Variants in NTNG1 observed in about 807,000 individuals in gnomAD.
The protein encoded by NTNG1 is netrin G1.
NTNG1 carries 16 observed loss-of-function variants against 54.0 expected under a neutral mutation model. The ratio of observed to expected loss-of-function variants is 0.30; its 90% confidence interval spans 0.20 to 0.45. The LOEUF is 0.45. Among genes scored for constraint, NTNG1 ranks in the 20% least tolerant of loss-of-function variants. The pLI is 1.00. For missense variants in NTNG1, 530 were observed against 678.7 expected (o/e 0.78, Z 2.43); for synonymous variants, 255 against 263.1 (o/e 0.97, Z 0.30).
At chr1:107,191,341 G>A (rs960447055) in intron 2 of NTNG1, among the ~76,000 whole-genome samples, 2 of 152,142 alleles carry the variant, frequency 1.3e-5, no homozygotes, top group Non-Finnish European at 1.5e-5. Context: ...TTGGTCAGAT[G>A]AGTAGGTTGC....
intron 2 of NTNG1, among the ~76,000 whole-genome samples, chr1:107,224,689 A>G (rs2101488704): frequency 6.6e-6 from 1 of 152,166 alleles, no homozygotes; most frequent in Non-Finnish European, 1.5e-5. Flanking sequence ...AGTACTCCCT[A>G]CTGGATTCCT....
chr1:107,218,460 G>T (rs762871664), intron 2 of NTNG1, among the ~76,000 whole-genome samples: 25 of 152,110 alleles, frequency 1.6e-4, no homozygotes, highest in Non-Finnish European at 3.4e-4. Context: ...CAACGTTAGT[G>T]TTGAGATGTG....
At chr1:107,398,569 A>T (rs1672831182) in intron 4 of NTNG1, among the ~76,000 whole-genome samples, 1 of 152,178 alleles carries the variant, frequency 6.6e-6, no homozygotes, top group Non-Finnish European at 1.5e-5. Flanking sequence ...TGTGAGACAC[A>T]CCACATTTCC....
intron 7 of NTNG1, among the ~76,000 whole-genome samples, chr1:107,441,911 T>G (rs1675990969): frequency 1.3e-5 from 2 of 152,050 alleles, no homozygotes. Context: ...CAGGTATAGA[T>G]GTGCATTGTG....
At position 107,333,081 on chromosome 1, in the gene NTNG1, A is replaced by C. The variant is rs1668377728; in HGVS notation, c.887+8159A>C. Among the ~76,000 whole-genome samples the C allele has an allele frequency of 2.0e-5, 3 of 152,074 alleles. No individual in the cohort carries two copies. The South Asian group carries it at 6.2e-4, about 31-fold the overall frequency. The stretch of plus-strand genomic sequence containing the variant: ...GTCCAGAAGATTATAAAAGTAGGGT[A>C]GTTACTACACTGGCTCTCTCTTGCA... On this transcript the variant is annotated intron_variant, in intron 3 of 7. Transcript: ENST00000370068.
At chr1:107,267,235 C>T (rs552643100) in intron 2 of NTNG1, among the ~76,000 whole-genome samples, 1 of 152,252 alleles carries the variant, frequency 6.6e-6, no homozygotes, top group Admixed American at 6.5e-5. Context: ...ATCTTAAACA[C>T]CTTGTACAAT....
At chr1:107,364,620 CA>C (rs902933910) in intron 3 of NTNG1, among the ~76,000 whole-genome samples, 2 of 152,176 alleles carry the variant, frequency 1.3e-5, no homozygotes, top group Admixed American at 1.3e-4. Flanking sequence ...GTGACCTGAT[CA>C]AAACTGCACC....
intron 3 of NTNG1, among the ~76,000 whole-genome samples, chr1:107,343,430 AG>A (rs779594100): frequency 8.7e-4 from 133 of 152,270 alleles, no homozygotes; most frequent in Non-Finnish European, 1.4e-3. Flanking sequence ...AAGATCTTCA[AG>A]CCCACAATTT....
chr1:107,249,832 GAA>G (rs1274938550), intron 2 of NTNG1, among the ~76,000 whole-genome samples: 5 of 152,272 alleles, frequency 3.3e-5, no homozygotes, highest in Non-Finnish European at 7.4e-5. Context: ...TATATTTTGG[GAA>G]ATGTTACCAT....
intron 2 of NTNG1, among the ~76,000 whole-genome samples, chr1:107,258,187 A>AT (rs930070861): frequency 9.6e-5 from 14 of 145,502 alleles, no homozygotes; most frequent in East Asian, 4.0e-4. Context: ...TACTCGGATT[A>AT]TTTTTTTTTA....
At chr1:107,432,869 T>C (rs1675357451) in intron 6 of NTNG1, among the ~76,000 whole-genome samples, 1 of 152,110 alleles carries the variant, frequency 6.6e-6, no homozygotes, top group Non-Finnish European at 1.5e-5. Flanking sequence ...TATTATGAAG[T>C]TTGGCCTTTT....
At chr1:107,193,839 T>G (rs1187980910) in intron 2 of NTNG1, among the ~76,000 whole-genome samples, 1 of 151,912 alleles carries the variant, frequency 6.6e-6, no homozygotes. Context: ...TTCCTTCTTT[T>G]TTTCTTCCTT....
rs1355410343 is a variant in NTNG1, at chr1:107,455,709, A to G, written c.1390+18910A>G. ...CACTGGAGAGCATGACAAGAACAATACGCGGATGAGCCTTTTACTGTGGTA... is the reference window on the plus strand; with the variant it reads ...CACTGGAGAGCATGACAAGAACAATGCGCGGATGAGCCTTTTACTGTGGTA... On this transcript the variant is annotated intron_variant, in intron 7 of 7. Transcript: ENST00000370068. 7.6e-5 allele frequency: 31 copies of G among 409,666 alleles called. No homozygotes were observed. The East Asian group carries it at 2.2e-3, about 29-fold the overall frequency. The allele number at this position is 409,666 out of a possible 1,614,324, so 25.4% of individuals were successfully genotyped here. A position where few individuals can be genotyped will look rare whatever the true frequency, so the allele number is the denominator to read the frequency against.
intron 3 of NTNG1, among the ~76,000 whole-genome samples, chr1:107,326,069 T>A (rs528255764): frequency 3.3e-4 from 50 of 152,168 alleles, no homozygotes; most frequent in African/African-American, 1.1e-3. Flanking sequence ...GGGAGAAAGG[T>A]CACTGCTGTT....
intron 2 of NTNG1, among the ~76,000 whole-genome samples, chr1:107,203,609 T>C (rs773545729): frequency 5.3e-5 from 8 of 151,552 alleles, no homozygotes; most frequent in Non-Finnish European, 1.2e-4. Context: ...TACACATATA[T>C]ATAGCTATTC....
At chr1:107,325,884 T>C (rs1667924626) in intron 3 of NTNG1, among the ~76,000 whole-genome samples, 1 of 152,076 alleles carries the variant, frequency 6.6e-6, no homozygotes, top group Non-Finnish European at 1.5e-5. Context: ...AGGATAAGCA[T>C]ATAAATAGTA....
chr1:107,381,929 G>T (rs970995187), intron 3 of NTNG1, among the ~76,000 whole-genome samples: 1 of 152,102 alleles, frequency 6.6e-6, no homozygotes, highest in African/African-American at 2.4e-5. Context: ...TGGCAGTATT[G>T]TAATTAAAAG....
intron 2 of NTNG1, among the ~76,000 whole-genome samples, chr1:107,302,809 G>A (rs1230172401): frequency 1.3e-5 from 2 of 152,224 alleles, no homozygotes; most frequent in South Asian, 4.1e-4. Flanking sequence ...ATGACTTACA[G>A]ACATATCCCT....
chr1:107,171,498 CA>C (rs944013573), intron 2 of NTNG1, among the ~76,000 whole-genome samples: 2 of 152,100 alleles, frequency 1.3e-5, no homozygotes, highest in African/African-American at 4.8e-5. Flanking sequence ...TTTTCTCTCT[CA>C]AGGAGTCTGG....
Sources: gnomAD v4.1 joint callset for allele counts (sites outside exome capture counted in the v4.1 genomes callset) on GRCh38, gnomAD v4.1.1 for gene constraint, MANE v1.5 for transcripts, NCBI Gene and HGNC (gene_info 2026-07-23, HGNC 2026-07-21) for gene names.